SLC45A2: variants seen among roughly 807,000 people sequenced by gnomAD.
The protein encoded by SLC45A2 is membrane-associated transporter protein.
SLC45A2 carries 36 observed loss-of-function variants against 45.5 expected under a neutral mutation model. That is an observed-to-expected ratio of 0.79 (90% CI 0.61 to 1.04). The LOEUF (loss-of-function observed/expected upper bound fraction) is 1.04, where lower values mean the gene tolerates loss of function less well. Ranked by LOEUF, SLC45A2 falls within the 50% of genes least tolerant of loss-of-function variation. The probability of loss-of-function intolerance (pLI) is 0.00; values close to 1 mark genes in which losing one functional copy is unlikely to be tolerated. For missense variants in SLC45A2, 719 were observed against 671.0 expected (o/e 1.07, Z -0.79); for synonymous variants, 306 against 269.3 (o/e 1.14, Z -1.33).
intron 6 of SLC45A2, 172 bp downstream of exon 6, chr5:33,946,991 G>A: frequency 6.4e-7 from 1 of 1,562,794 alleles, no homozygotes; most frequent in Admixed American, 1.8e-5. Flanking sequence ...GGCTGGGCTG[G>A]GCTGGTGAGC....
chr5:33,970,860 A>G, intron 2 of SLC45A2: 1 of 333,964 alleles, frequency 3.0e-6, no homozygotes, highest in Non-Finnish European at 5.8e-6. Flanking sequence ...AGCACTTCTC[A>G]TCATGGTGGA....
At chr5:33,968,899 C>T (rs1335910792) in intron 2 of SLC45A2, among the ~76,000 whole-genome samples, 1 of 152,186 alleles carries the variant, frequency 6.6e-6, no homozygotes, top group Non-Finnish European at 1.5e-5. Context: ...CTCCCATCTT[C>T]CCATGGGGTT....
At chr5:33,968,551 T>C (rs1421373524) in intron 2 of SLC45A2, among the ~76,000 whole-genome samples, 1 of 152,222 alleles carries the variant, frequency 6.6e-6, no homozygotes, top group African/African-American at 2.4e-5. Flanking sequence ...AGAAGACAGA[T>C]GTCATATTTC....
intron 5 of SLC45A2, among the ~76,000 whole-genome samples, chr5:33,949,466 A>G (rs1025725428): frequency 2.6e-5 from 4 of 152,220 alleles, no homozygotes; most frequent in African/African-American, 9.7e-5. Context: ...GCAGTGGCAA[A>G]TACCCAGAAA....
chr5:33,949,500 A>G (rs1752035324), intron 5 of SLC45A2, among the ~76,000 whole-genome samples: 1 of 152,222 alleles, frequency 6.6e-6, no homozygotes, highest in Non-Finnish European at 1.5e-5. Context: ...ATAGTGGGTC[A>G]TTGAGGGTGG....
intron 3 of SLC45A2, among the ~76,000 whole-genome samples, chr5:33,962,536 A>T (rs1012001026): frequency 6.6e-6 from 1 of 152,080 alleles, no homozygotes; most frequent in Non-Finnish European, 1.5e-5. Flanking sequence ...TGCTTAAGGC[A>T]CTCTAGTGTT....
At chr5:33,959,479 G>A (rs1752380981) in intron 3 of SLC45A2, among the ~76,000 whole-genome samples, 1 of 151,028 alleles carries the variant, frequency 6.6e-6, no homozygotes, top group Non-Finnish European at 1.5e-5. Context: ...TTGAGTCCAG[G>A]CATTAGGAGA....
chr5:33,979,881 A>G (rs1753025827), intron 2 of SLC45A2, among the ~76,000 whole-genome samples: 1 of 152,176 alleles, frequency 6.6e-6, no homozygotes, highest in African/African-American at 2.4e-5. Flanking sequence ...TCTGGTTTAC[A>G]ATACTATCAT....
At chr5:33,977,815 A>G (rs1355116879) in intron 2 of SLC45A2, among the ~76,000 whole-genome samples, 3 of 152,214 alleles carry the variant, frequency 2.0e-5, no homozygotes, top group Non-Finnish European at 4.4e-5. Flanking sequence ...GGAGAGTAGG[A>G]TGGGAACAGA....
chr5:33,970,815 T>C (rs1752755172), intron 2 of SLC45A2: 1 of 288,386 alleles, frequency 3.5e-6, no homozygotes, highest in Non-Finnish European at 6.8e-6. Flanking sequence ...GTTTATGTGA[T>C]GGTTAGAGAG....
chr5:33,954,685 C>T (rs1483207496), intron 3 of SLC45A2, among the ~76,000 whole-genome samples, 181 bp from the exon 4 acceptor site: 4 of 152,130 alleles, frequency 2.6e-5, no homozygotes, highest in Admixed American at 6.5e-5. Flanking sequence ...CTGTTAAGCA[C>T]GAGTGGCTGC....
intron 4 of SLC45A2, among the ~76,000 whole-genome samples, chr5:33,954,092 C>T (rs373691945): frequency 2.0e-5 from 3 of 151,964 alleles, no homozygotes; most frequent in Admixed American, 6.6e-5. Context: ...GAGACTTAGA[C>T]TCCCACACAT....
chr5:33,969,065 C>CTCTCTCTGTGTGTGTGTG lies in SLC45A2; in HGVS notation c.563-5050_563-5049insCACACACACACAGAGAGA. On this transcript the variant is annotated intron_variant, in intron 2 of 6. Coordinates refer to ENST00000296589, the MANE Select transcript of SLC45A2 (RefSeq NM_016180.5). ...AGCTACTCTCTCTCTCTCTCTCTCTCTGTGTGTGTGTGTGTGTGTGTGTGT... is the reference window on the plus strand; with the variant it reads ...AGCTACTCTCTCTCTCTCTCTCTCTCTCTCTCTGTGTGTGTGTGTGTGTGTGTGTGTGTGTGTGTGTGT... Among the ~76,000 whole-genome samples, 12 of 102,466 alleles carry CTCTCTCTGTGTGTGTGTG rather than the reference C, an allele frequency of 1.2e-4. No homozygotes were observed. The East Asian group carries it at 1.3e-3, about 11-fold the overall frequency. The allele number at this position is 102,466 out of a possible 152,430, so 67.2% of individuals were successfully genotyped here. A position where few individuals can be genotyped will look rare whatever the true frequency, so the allele number is the denominator to read the frequency against.
intron 5 of SLC45A2, among the ~76,000 whole-genome samples, chr5:33,948,418 G>A (rs1262861808): frequency 6.6e-6 from 1 of 152,074 alleles, no homozygotes; most frequent in Non-Finnish European, 1.5e-5. Flanking sequence ...CATTCTCCTG[G>A]AACACAAGAA....
intron 2 of SLC45A2, chr5:33,970,870 A>G: frequency 2.9e-6 from 1 of 348,634 alleles, no homozygotes; most frequent in Admixed American, 3.8e-5. Flanking sequence ...ATCATGGTGG[A>G]CCCTAGAGAT....
chr5:33,967,265 T>C (rs1579550698), intron 2 of SLC45A2, among the ~76,000 whole-genome samples: 1 of 152,228 alleles, frequency 6.6e-6, no homozygotes, highest in Non-Finnish European at 1.5e-5. Flanking sequence ...TATTGTGGCA[T>C]GTAGCAAGTA....
At position 33,982,898 on chromosome 5, in the gene SLC45A2, G is replaced by A. The variant is rs867279548; in HGVS notation, c.386-486C>T. 3.3e-5 allele frequency among the ~76,000 whole-genome samples: 5 copies of A among 152,296 alleles called. 1 individual carries two copies. Among genetic ancestry groups the A allele is most frequent in the African/African-American group, 9.6e-5 (4 of 41,568 alleles). ...GCTTCCAATCCCAGCCCCAGCAAAG[G>A]TCAGGCTTTAAGGCCTCCTTTTACG... On this transcript the variant is annotated intron_variant, in intron 1 of 6. Transcript: ENST00000296589.
intron 2 of SLC45A2, chr5:33,972,234 G>A: frequency 1.9e-6 from 1 of 523,760 alleles, no homozygotes; most frequent in South Asian, 1.4e-5. Context: ...GAGATTCAGA[G>A]AACTTTAATG....
intron 4 of SLC45A2, among the ~76,000 whole-genome samples, chr5:33,951,916 T>C (rs1316141849): frequency 2.0e-5 from 3 of 152,066 alleles, no homozygotes; most frequent in Non-Finnish European, 4.4e-5. Flanking sequence ...ATCCTTAACA[T>C]TCCTCCTTCC....
Sources: allele counts gnomAD v4.1 joint callset (sites outside exome capture counted in the v4.1 genomes callset), GRCh38; gene constraint gnomAD v4.1.1; transcripts MANE v1.5; gene names NCBI Gene and HGNC (gene_info 2026-07-23, HGNC 2026-07-21).